Variants in FHOD3 observed in about 807,000 individuals in gnomAD.
FHOD3 encodes formin homology 2 domain containing 3, also known as FH1/FH2 domain-containing protein 3.
Under a neutral mutation model 173.0 loss-of-function variants are expected in FHOD3, and 90 were observed. That is an observed-to-expected ratio of 0.52 (90% CI 0.44 to 0.62). FHOD3 has a LOEUF of 0.62. Ranked by LOEUF, FHOD3 falls within the 20% of genes least tolerant of loss-of-function variation. FHOD3 has a pLI of 0.00. For missense variants in FHOD3, 1,945 were observed against 2,034.7 expected (o/e 0.96, Z 0.85); for synonymous variants, 828 against 823.0 (o/e 1.01, Z -0.10).
At chr18:36,377,270 T>G (rs149845161) in intron 3 of FHOD3, among the ~76,000 whole-genome samples, 131 of 152,294 alleles carry the variant, frequency 8.6e-4, no homozygotes, top group African/African-American at 2.8e-3. Flanking sequence ...TTCACTGTGT[T>G]TTCTGACCAG....
At chr18:36,638,935 G>T (rs2035084246) in intron 10 of FHOD3, among the ~76,000 whole-genome samples, 1 of 152,238 alleles carries the variant, frequency 6.6e-6, no homozygotes, top group Non-Finnish European at 1.5e-5. Flanking sequence ...ACTTCTGGAA[G>T]TGACAAAACA....
At chr18:36,542,562 G>A (rs894331371) in intron 5 of FHOD3, among the ~76,000 whole-genome samples, 2 of 152,120 alleles carry the variant, frequency 1.3e-5, no homozygotes, top group African/African-American at 2.4e-5. Context: ...GGTATTCTCT[G>A]AATTATCTTT....
At chr18:36,627,390 T>A (rs546306631) in intron 10 of FHOD3, among the ~76,000 whole-genome samples, 7 of 152,280 alleles carry the variant, frequency 4.6e-5, no homozygotes, top group Admixed American at 4.6e-4. Flanking sequence ...AGGATTCCTG[T>A]GTTGTGAGTT....
At chr18:36,748,879 G>A (rs2042280663) in intron 24 of FHOD3, among the ~76,000 whole-genome samples, 1 of 152,072 alleles carries the variant, frequency 6.6e-6, no homozygotes, top group South Asian at 2.1e-4. Context: ...CCCAAGGACT[G>A]TGCCTCATTT....
chr18:36,672,509 G>A (rs919047349), intron 14 of FHOD3, among the ~76,000 whole-genome samples: 5 of 152,144 alleles, frequency 3.3e-5, no homozygotes, highest in African/African-American at 4.8e-5. Flanking sequence ...CAGCCACCTC[G>A]CCCAGACTTG....
intron 4 of FHOD3, among the ~76,000 whole-genome samples, chr18:36,506,096 G>C: frequency 6.6e-6 from 1 of 152,136 alleles, no homozygotes; most frequent in East Asian, 1.9e-4. Flanking sequence ...TTCCTCGACT[G>C]TTCTGCTGAT....
chr18:36,319,034 T>C (rs2044267697), intron 1 of FHOD3, among the ~76,000 whole-genome samples: 2 of 152,218 alleles, frequency 1.3e-5, no homozygotes. Context: ...TTTATTGATT[T>C]GTGTATGTTG....
At chr18:36,732,013 G>A (rs897903980) in intron 20 of FHOD3, among the ~76,000 whole-genome samples, 25 of 152,224 alleles carry the variant, frequency 1.6e-4, no homozygotes, top group African/African-American at 5.3e-4. Context: ...ATTCAGGTGG[G>A]CTCTAAATCC....
chr18:36,764,873 A>G (rs1440084969), intron 27 of FHOD3, among the ~76,000 whole-genome samples: 1 of 152,118 alleles, frequency 6.6e-6, no homozygotes, highest in Non-Finnish European at 1.5e-5. Context: ...AACATTAGAG[A>G]ACTGTAAAAG....
intron 3 of FHOD3, among the ~76,000 whole-genome samples, chr18:36,485,194 T>G (rs906461284): frequency 6.6e-6 from 1 of 152,140 alleles, no homozygotes; most frequent in Non-Finnish European, 1.5e-5. Flanking sequence ...CATGTACCAG[T>G]CAGAGGTTGG....
At chr18:36,606,350 A>G (rs1780472400) in intron 8 of FHOD3, among the ~76,000 whole-genome samples, 1 of 152,088 alleles carries the variant, frequency 6.6e-6, no homozygotes, top group African/African-American at 2.4e-5. Flanking sequence ...CATCCATGGT[A>G]GAGGGCAAGG....
Position 36,349,751 on chromosome 18 carries a change from G to GT in FHOD3, c.166-5782dup, listed in dbSNP as rs566058077. On this transcript the variant is annotated intron_variant, in intron 1 of 28. Coordinates refer to ENST00000590592, the MANE Select transcript of FHOD3 (RefSeq NM_001281740.3). Reference sequence around the variant, plus strand: ...TCAGCCTCCTTTGAGATGTTTGGGTGTTTTTTCAGGATGGTGAGTCTGCCC... The same window carrying GT: ...TCAGCCTCCTTTGAGATGTTTGGGTGTTTTTTTCAGGATGGTGAGTCTGCCC... Among the ~76,000 whole-genome samples, 755 of 152,238 alleles carry GT rather than the reference G, an allele frequency of 5.0e-3. 3 individuals are homozygous for GT. The highest frequency in any genetic ancestry group is 7.6e-3 in the Non-Finnish European group (518 of 67,990).
chr18:36,754,742 T>G (rs1386531369), intron 24 of FHOD3, among the ~76,000 whole-genome samples: 1 of 151,786 alleles, frequency 6.6e-6, no homozygotes, highest in Admixed American at 6.6e-5. Flanking sequence ...AAATACCACT[T>G]TAACATTTTT....
At chr18:36,654,459 A>G (rs2036276621) in intron 13 of FHOD3, among the ~76,000 whole-genome samples, 1 of 152,122 alleles carries the variant, frequency 6.6e-6, no homozygotes, top group Admixed American at 6.5e-5. Context: ...TATATGCTTT[A>G]TATTTTTTTC....
chr18:36,625,348 G>A (rs2034018296), intron 9 of FHOD3, among the ~76,000 whole-genome samples, 163 bp from the exon 10 acceptor site: 1 of 152,206 alleles, frequency 6.6e-6, no homozygotes, highest in African/African-American at 2.4e-5. Flanking sequence ...TGTTTGGCTT[G>A]GACACATGTG....
intron 3 of FHOD3, among the ~76,000 whole-genome samples, chr18:36,385,982 T>G (rs1263290869): frequency 6.6e-6 from 1 of 152,182 alleles, no homozygotes; most frequent in African/African-American, 2.4e-5. Flanking sequence ...CTTAGTTATA[T>G]CTATAATAAC....
At chr18:36,754,027 A>C (rs903355406) in intron 24 of FHOD3, among the ~76,000 whole-genome samples, 1 of 152,178 alleles carries the variant, frequency 6.6e-6, no homozygotes, top group African/African-American at 2.4e-5. Flanking sequence ...TTGAAACACA[A>C]AAGTTTTTAA....
intron 3 of FHOD3, among the ~76,000 whole-genome samples, chr18:36,474,632 T>G (rs574441968): frequency 3.3e-5 from 5 of 151,798 alleles, no homozygotes; most frequent in African/African-American, 9.7e-5. Flanking sequence ...GGATACAGAG[T>G]GAGGTAGGGT....
In FHOD3 at chr18:36,693,395, C is replaced by A. The variant is rs150630527; in HGVS notation, c.2208C>A (p.Ser736=). 7,728 of 1,613,826 alleles carry A rather than the reference C, an allele frequency of 4.8e-3. 18 individuals are homozygous for A. The highest frequency in any genetic ancestry group is 5.5e-3 in the Non-Finnish European group (6,516 of 1,179,836). The part of the protein sequence containing the change: ...DSQEALTVSA[S]SPGTPHHPQA... ...AAGAGGCTCTCACGGTGTCTGCCTC[C>A]TCCCCAGGAACCCCTCACCATCCCC... Residue 736 remains serine (S), a synonymous_variant, in exon 17 of 29, where the codon TCC becomes TCA. Coordinates refer to ENST00000590592, the MANE Select transcript of FHOD3 (RefSeq NM_001281740.3).
Sources: allele counts gnomAD v4.1 joint callset (sites outside exome capture counted in the v4.1 genomes callset), GRCh38; gene constraint gnomAD v4.1.1; transcripts MANE v1.5; gene names NCBI Gene and HGNC (gene_info 2026-07-23, HGNC 2026-07-21).